The following MLIP variants were observed in gnomAD, a reference collection of about 807,000 sequenced individuals.
MLIP encodes the protein muscular LMNA interacting protein.
In MLIP, 79 loss-of-function variants were observed where a neutral mutation model predicts 84.8. The ratio of observed to expected loss-of-function variants is 0.93; its 90% CI spans 0.78 to 1.12. MLIP has a LOEUF of 1.12. MLIP is among the 50% of genes most tolerant of loss of function. The pLI is 0.00. For missense variants in MLIP, 1,257 were observed against 1,160.6 expected (o/e 1.08, Z -1.21); for synonymous variants, 504 against 463.0 (o/e 1.09, Z -1.14).
intron 4 of MLIP, among the ~76,000 whole-genome samples, chr6:54,148,776 TAA>T (rs1773130630): frequency 6.6e-6 from 1 of 152,166 alleles, no homozygotes; most frequent in Non-Finnish European, 1.5e-5. Flanking sequence ...AATTTATATA[TAA>T]CTTTGTGTAA....
At chr6:54,257,234 T>G in intron 12 of MLIP, 74 bp from the exon 13 acceptor site, 2 of 1,056,646 alleles carry the variant, frequency 1.9e-6, no homozygotes, top group Non-Finnish European at 1.5e-6. Context: ...GTCAATCTGT[T>G]TAAATGAAAT....
chr6:54,204,957 G>C (rs189800698), intron 11 of MLIP, among the ~76,000 whole-genome samples: 64 of 152,282 alleles, frequency 4.2e-4, no homozygotes, highest in African/African-American at 1.4e-3. Context: ...AAGAAGCCTA[G>C]CATACCACTT....
Position 54,261,852 on chromosome 6 carries a change from A to G in MLIP, c.2977-4098A>G, listed in dbSNP as rs78661350. On this transcript the variant is annotated intron_variant, in intron 13 of 13. Coordinates refer to ENST00000502396, the MANE Select transcript of MLIP (RefSeq NM_001281747.2). ...CAATTTTCCAAAACATTATTTCTCA[A>G]AATGAAGCTTTGATACATCTTGGAT... 16,759 of 528,628 alleles carry G rather than the reference A, an allele frequency of 0.032. 2,606 individuals carry two copies. In the African/African-American group the frequency reaches 0.32, roughly 10 times the overall value. The allele number at this position is 528,628 out of a possible 1,614,324, so 32.7% of individuals were successfully genotyped here.
At chr6:54,177,400 T>C (rs979549264) in intron 9 of MLIP, among the ~76,000 whole-genome samples, 3 of 151,680 alleles carry the variant, frequency 2.0e-5, no homozygotes, top group African/African-American at 7.3e-5. Flanking sequence ...AAACAGACAA[T>C]TGTCAAAAGA....
intron 1 of MLIP, among the ~76,000 whole-genome samples, chr6:54,098,661 G>A (rs898890509): frequency 1.3e-5 from 2 of 152,134 alleles, no homozygotes; most frequent in African/African-American, 4.8e-5. Flanking sequence ...TTAGAGTGTT[G>A]AAAGAGGATG....
intron 11 of MLIP, chr6:54,216,624 A>G: frequency 1.0e-6 from 1 of 971,896 alleles, no homozygotes; most frequent in Non-Finnish European, 1.2e-6. Context: ...TATATAGAGG[A>G]TTTCAAATAG....
At position 54,037,442 on chromosome 6, in the gene MLIP, A is replaced by AGT. The variant is rs906591951; in HGVS notation, c.63+18363_63+18364dup. ...TTGTGTGTCAGTGTGTATGTGTGTT[A>AGT]GTGTGTGTGTGTGATAGAGAGGGAG... On this transcript the variant is annotated intron_variant, in intron 1 of 12. Coordinates refer to the MLIP transcript ENST00000274897. 4.6e-5 allele frequency among the ~76,000 whole-genome samples: 7 copies of AGT among 151,118 alleles called. No individual in the cohort carries two copies. In the East Asian group the frequency reaches 1.2e-3, roughly 25 times the overall value.
intron 1 of MLIP, among the ~76,000 whole-genome samples, chr6:54,090,684 T>TGTGTGA (rs1554146570): frequency 2.0e-5 from 3 of 150,430 alleles, no homozygotes; most frequent in African/African-American, 4.9e-5. Context: ...TGTGTGTGTG[T>TGTGTGA]GAGACAGAGA....
At chr6:54,041,194 T>C (rs1764721894) in intron 1 of MLIP, 1 of 152,162 alleles carries the variant, frequency 6.6e-6, no homozygotes, top group Non-Finnish European at 1.5e-5. Flanking sequence ...TCTCCAACAC[T>C]ATGGTTATAT....
rs977685680 is a variant in MLIP at position 54,137,739 on chromosome 6, C to A, written c.1670C>A (p.Ser557Tyr). 8 of 1,536,006 alleles carry A rather than the reference C, an allele frequency of 5.2e-6. No homozygotes were observed. In the African/African-American group the frequency reaches 6.8e-5, roughly 13 times the overall value. ...SVGLPPVPPS[S>Y]SLSSLKSKQD... ...GGTCTTCCTCCTGTTCCACCAAGCTCTTCTCTTTCCTCTTTGAAGAGTAAA... is the reference window on the plus strand; with the variant it reads ...GGTCTTCCTCCTGTTCCACCAAGCTATTCTCTTTCCTCTTTGAAGAGTAAA... The change falls in exon 4 of 14, where the codon TCT becomes TAT. Residue 557 changes from serine to tyrosine, a missense_variant. Coordinates refer to ENST00000502396, the MANE Select transcript of MLIP (RefSeq NM_001281747.2).
intron 8 of MLIP, among the ~76,000 whole-genome samples, chr6:54,163,092 A>G (rs920888869): frequency 1.3e-5 from 2 of 151,510 alleles, no homozygotes; most frequent in African/African-American, 4.9e-5. Context: ...GCTGGTGCTT[A>G]TGTGTTGGCA....
At chr6:54,216,425 C>G (rs1779858649) in intron 11 of MLIP, 7 of 985,186 alleles carry the variant, frequency 7.1e-6, no homozygotes, top group African/African-American at 7.0e-5. Context: ...TAGTCCTCTG[C>G]TGCTCACTGT....
intron 1 of MLIP, among the ~76,000 whole-genome samples, chr6:54,060,596 C>T (rs1195509348): frequency 6.6e-6 from 1 of 152,140 alleles, no homozygotes; most frequent in Non-Finnish European, 1.5e-5. Flanking sequence ...TCATTCAGCT[C>T]ATATACATAT....
At chr6:54,111,661 G>A in intron 1 of MLIP, 86 bp downstream of exon 1, 2 of 1,328,070 alleles carry the variant, frequency 1.5e-6, no homozygotes, top group Non-Finnish European at 1.0e-6. Context: ...GGATGTGAGG[G>A]AGAGCTGCCC....
At chr6:54,219,317 C>G (rs1582538260) in intron 11 of MLIP, among the ~76,000 whole-genome samples, 1 of 143,998 alleles carries the variant, frequency 6.9e-6, no homozygotes, top group Non-Finnish European at 1.5e-5. Context: ...TAAGCTTTTT[C>G]TCTATTTTAA....
intron 11 of MLIP, among the ~76,000 whole-genome samples, chr6:54,209,491 G>T (rs1203509839): frequency 6.6e-6 from 1 of 151,792 alleles, no homozygotes; most frequent in Non-Finnish European, 1.5e-5. Flanking sequence ...CAATTTTTTT[G>T]AAAAAAGAAT....
chr6:54,118,572 A>G (rs1215124768), intron 1 of MLIP, among the ~76,000 whole-genome samples: 3 of 152,208 alleles, frequency 2.0e-5, no homozygotes, highest in South Asian at 2.1e-4. Flanking sequence ...CTAGAAGAAA[A>G]CATAGCGGGA....
chr6:54,020,560 C>T (rs763978192), intron 1 of MLIP, among the ~76,000 whole-genome samples: 9 of 152,080 alleles, frequency 5.9e-5, no homozygotes, highest in African/African-American at 9.7e-5. Flanking sequence ...GGAAGTTTTG[C>T]GAGTAAACAG....
At chr6:54,143,442 G>A (rs1772504325) in intron 4 of MLIP, among the ~76,000 whole-genome samples, 1 of 152,022 alleles carries the variant, frequency 6.6e-6, no homozygotes, top group Non-Finnish European at 1.5e-5. Flanking sequence ...CTGACCTCAG[G>A]TGATCCGCCT....
Sources: allele counts gnomAD v4.1 joint callset (sites outside exome capture counted in the v4.1 genomes callset), GRCh38; gene constraint gnomAD v4.1.1; transcripts MANE v1.5; gene names NCBI Gene and HGNC (gene_info 2026-07-23, HGNC 2026-07-21).